Variants in HDAC9 observed in about 807,000 individuals in gnomAD.
HDAC9 encodes histone deacetylase 9, also known as MEF-2 interacting transcription repressor (MITR) protein.
A neutral mutation model predicts 139.4 loss-of-function variants in HDAC9; 41 were observed. The ratio of observed to expected loss-of-function variants is 0.29; its 90% CI spans 0.23 to 0.38. The LOEUF is 0.38. HDAC9 is among the 10% of genes least tolerant of loss of function. HDAC9 has a pLI of 1.00. For synonymous variants in HDAC9, 517 were observed against 476.2 expected (o/e 1.09, Z -1.12); for missense variants, 1,147 against 1,297.0 (o/e 0.88, Z 1.78).
intron 14 of HDAC9, among the ~76,000 whole-genome samples, chr7:18,754,274 G>T (rs1354867739): frequency 6.6e-6 from 1 of 151,930 alleles, no homozygotes; most frequent in East Asian, 1.9e-4. Context: ...GGGGTTATTT[G>T]GTGTCCTCTT....
intron 1 of HDAC9, among the ~76,000 whole-genome samples, chr7:18,135,504 C>T (rs1562657834): frequency 7.6e-6 from 1 of 132,400 alleles, no homozygotes; most frequent in Admixed American, 7.9e-5. Flanking sequence ...TTCCTGTGTC[C>T]ATGTGATCTC....
chr7:18,221,855 G>C lies in HDAC9; in HGVS notation c.25+59506G>C, dbSNP rs575314815. 2.6e-5 allele frequency among the ~76,000 whole-genome samples: 4 copies of C among 152,260 alleles called. No individual in the cohort carries two copies. In the South Asian group the frequency reaches 8.3e-4, roughly 32 times the overall value. ...GAAGTGAAATTCACTAAATTGGGTA[G>C]TGACCTTCCATATTTAAAGATACAG... On this transcript the variant is annotated intron_variant, in intron 2 of 12. Transcript: ENST00000417496.
At chr7:18,091,861 A>C (rs1454612346) in intron 1 of HDAC9, among the ~76,000 whole-genome samples, 1 of 152,102 alleles carries the variant, frequency 6.6e-6, no homozygotes. Flanking sequence ...GCTGCCCTTA[A>C]CTCTTAGAGG....
chr7:18,838,338 G>A (rs1231809543), intron 21 of HDAC9, among the ~76,000 whole-genome samples: 2 of 152,034 alleles, frequency 1.3e-5, no homozygotes, highest in African/African-American at 2.4e-5. Context: ...TTCAGGAAAG[G>A]TTTCATCAAG....
At chr7:18,373,158 A>G (rs1210117701) in intron 1 of HDAC9, among the ~76,000 whole-genome samples, 1 of 152,192 alleles carries the variant, frequency 6.6e-6, no homozygotes, top group Non-Finnish European at 1.5e-5. Flanking sequence ...TCAACCACAA[A>G]AAGAACTGGA....
intron 1 of HDAC9, chr7:18,325,432 A>G (rs1800362704): frequency 1.3e-5 from 2 of 152,092 alleles, no homozygotes; most frequent in South Asian, 4.1e-4. Flanking sequence ...AGCCAGAGTA[A>G]AGCAATTTGA....
chr7:18,712,136 G>A (rs1784390899), intron 12 of HDAC9, among the ~76,000 whole-genome samples: 1 of 151,952 alleles, frequency 6.6e-6, no homozygotes, highest in South Asian at 2.1e-4. Flanking sequence ...ATAAATAGGG[G>A]TACTTTAAGT....
chr7:18,925,362 A>C (rs1489268588), intron 22 of HDAC9, among the ~76,000 whole-genome samples: 1 of 152,124 alleles, frequency 6.6e-6, no homozygotes, highest in African/African-American at 2.4e-5. Context: ...GAGATAATGC[A>C]TTTCAGCACT....
At chr7:18,643,978 G>C (rs944304117) in intron 8 of HDAC9, among the ~76,000 whole-genome samples, 14 of 151,220 alleles carry the variant, frequency 9.3e-5, no homozygotes, top group Admixed American at 9.2e-4. Context: ...GGGAAAACAT[G>C]ACTCTTAGTA....
At chr7:18,108,301 G>T (rs1324164089) in intron 1 of HDAC9, among the ~76,000 whole-genome samples, 1 of 152,186 alleles carries the variant, frequency 6.6e-6, no homozygotes, top group Non-Finnish European at 1.5e-5. Context: ...GTGTGGGGCA[G>T]TACCAACAGC....
In HDAC9 at chr7:18,087,551, GTT is replaced by G. The variant is rs1483265305; in HGVS notation, c.-97+340_-97+341del. 3.3e-5 allele frequency among the ~76,000 whole-genome samples: 5 copies of G among 152,152 alleles called. No individual in the cohort carries two copies. The South Asian group carries it at 1.0e-3, about 32-fold the overall frequency. Reference sequence around the variant, plus strand: ...GTTGGAGCCGAGCTATGAATGAAAAGTTTGTACTGGCAACGTGTTGCTTGAGG... The same window carrying G: ...GTTGGAGCCGAGCTATGAATGAAAAGTGTACTGGCAACGTGTTGCTTGAGG... On this transcript the variant is annotated intron_variant, in intron 1 of 12. Coordinates refer to the HDAC9 transcript ENST00000417496.
chr7:18,521,168 C>G (rs1370014174), intron 2 of HDAC9, among the ~76,000 whole-genome samples: 2 of 152,144 alleles, frequency 1.3e-5, no homozygotes, highest in African/African-American at 2.4e-5. Flanking sequence ...TGTTTGATAT[C>G]TCCAGTAATG....
At chr7:18,844,924 G>C (rs1796812036) in intron 21 of HDAC9, among the ~76,000 whole-genome samples, 1 of 152,070 alleles carries the variant, frequency 6.6e-6, no homozygotes, top group African/African-American at 2.4e-5. Context: ...CTTCTAAAAT[G>C]AAAACAGCAC....
chr7:18,451,133 C>A (rs116288506), intron 1 of HDAC9, among the ~76,000 whole-genome samples: 6 of 152,038 alleles, frequency 3.9e-5, no homozygotes, highest in Non-Finnish European at 7.4e-5. Flanking sequence ...AGTGCCTTTA[C>A]GAAACAGGCC....
intron 2 of HDAC9, among the ~76,000 whole-genome samples, chr7:18,528,860 G>T (rs537896222): frequency 5.8e-4 from 89 of 152,182 alleles, no homozygotes; most frequent in African/African-American, 1.9e-3. Flanking sequence ...ACAATTTCCT[G>T]CCCAGTCTAG....
intron 1 of HDAC9, among the ~76,000 whole-genome samples, chr7:18,459,237 T>C (rs1045379626): frequency 2.0e-5 from 3 of 152,180 alleles, no homozygotes; most frequent in African/African-American, 4.8e-5. Context: ...CTGCCTGATA[T>C]CTGTTACTTC....
intron 8 of HDAC9, among the ~76,000 whole-genome samples, chr7:18,639,342 A>G (rs1462327543): frequency 6.6e-6 from 1 of 152,078 alleles, no homozygotes; most frequent in Non-Finnish European, 1.5e-5. Flanking sequence ...GGAGGTTGCT[A>G]TGACAAAATA....
At chr7:18,464,890 C>T (rs1045500196) in intron 1 of HDAC9, among the ~76,000 whole-genome samples, 2 of 152,102 alleles carry the variant, frequency 1.3e-5, no homozygotes, top group Admixed American at 1.3e-4. Context: ...TCTCAGCTAC[C>T]TTTTCTGAAA....
chr7:18,149,619 C>G (rs963408944), intron 1 of HDAC9, among the ~76,000 whole-genome samples: 2 of 151,810 alleles, frequency 1.3e-5, no homozygotes, highest in African/African-American at 4.8e-5. Context: ...GGCTTGATCT[C>G]GGCTCACTGC....
Sources: gnomAD v4.1 joint callset for allele counts (sites outside exome capture counted in the v4.1 genomes callset) on GRCh38, gnomAD v4.1.1 for gene constraint, MANE v1.5 for transcripts, NCBI Gene and HGNC (gene_info 2026-07-23, HGNC 2026-07-21) for gene names.